Variants in SETBP1 observed in about 807,000 individuals in gnomAD.
The protein encoded by SETBP1 is SET binding protein 1, also known as SET-binding protein.
A neutral mutation model predicts 101.0 loss-of-function variants in SETBP1; 9 were observed. The ratio of observed to expected loss-of-function variants is 0.09; its 90% CI spans 0.05 to 0.16. The LOEUF (loss-of-function observed/expected upper bound fraction) is 0.16, where lower values mean the gene tolerates loss of function less well. Among genes scored for constraint, SETBP1 ranks in the 10% least tolerant of loss-of-function variants. The probability of loss-of-function intolerance (pLI) is 1.00; values close to 1 mark genes in which losing one functional copy is unlikely to be tolerated. For synonymous variants in SETBP1, 818 were observed against 788.5 expected (o/e 1.04, Z -0.63); for missense variants, 1,858 against 2,033.8 (o/e 0.91, Z 1.66).
At chr18:44,757,465 G>A (rs1368019996) in intron 2 of SETBP1, among the ~76,000 whole-genome samples, 2 of 152,184 alleles carry the variant, frequency 1.3e-5, no homozygotes, top group Non-Finnish European at 2.9e-5. Flanking sequence ...AAGGATGCAT[G>A]AACACACGCA....
chr18:44,774,700 G>C (rs2070957153), intron 2 of SETBP1, among the ~76,000 whole-genome samples: 1 of 152,092 alleles, frequency 6.6e-6, no homozygotes, highest in Non-Finnish European at 1.5e-5. Flanking sequence ...AGACACTCTG[G>C]AAAATATTCT....
At chr18:44,779,936 A>G (rs2071089543) in intron 2 of SETBP1, among the ~76,000 whole-genome samples, 1 of 151,732 alleles carries the variant, frequency 6.6e-6, no homozygotes, top group Non-Finnish European at 1.5e-5. Context: ...ACACGCACGC[A>G]CACACACACG....
chr18:45,020,258 TAAAAAA>T (rs57134217), intron 4 of SETBP1, among the ~76,000 whole-genome samples: 18 of 53,082 alleles, frequency 3.4e-4, no homozygotes, highest in Admixed American at 5.6e-4. Flanking sequence ...GACTCTGTCT[TAAAAAA>T]AAAAAAAAAA....
chr18:44,793,987 C>T (rs1183814068), intron 2 of SETBP1, among the ~76,000 whole-genome samples: 1 of 152,180 alleles, frequency 6.6e-6, no homozygotes, highest in African/African-American at 2.4e-5. Flanking sequence ...TAGCCATTAA[C>T]AAGGGGTTAG....
At chr18:44,781,914 G>A (rs889522035) in intron 2 of SETBP1, among the ~76,000 whole-genome samples, 15 of 152,192 alleles carry the variant, frequency 9.9e-5, no homozygotes, top group African/African-American at 3.1e-4. Flanking sequence ...TTAAGGGACT[G>A]TAATACTGTT....
intron 4 of SETBP1, among the ~76,000 whole-genome samples, chr18:44,989,921 A>G (rs1345564696): frequency 6.9e-6 from 1 of 145,942 alleles, no homozygotes; most frequent in African/African-American, 2.5e-5. Context: ...ATCTAAGTGG[A>G]CACACTGTAA....
intron 4 of SETBP1, among the ~76,000 whole-genome samples, chr18:44,964,396 G>A (rs2071678010): frequency 6.6e-6 from 1 of 151,916 alleles, no homozygotes; most frequent in African/African-American, 2.4e-5. Flanking sequence ...AATATGTAAG[G>A]GACACCTTGT....
chr18:44,929,887 A>G (rs572078030), intron 3 of SETBP1, among the ~76,000 whole-genome samples: 1 of 152,180 alleles, frequency 6.6e-6, no homozygotes, highest in Non-Finnish European at 1.5e-5. Context: ...GCAAACAGGG[A>G]CAATTTGACT....
chr18:44,839,406 T>TTGCTGC (rs80013756), intron 2 of SETBP1, among the ~76,000 whole-genome samples: 2 of 151,842 alleles, frequency 1.3e-5, no homozygotes, highest in Admixed American at 6.6e-5. Context: ...AACCTGGGTG[T>TTGCTGC]TGCTGCTGCT....
intron 2 of SETBP1, among the ~76,000 whole-genome samples, chr18:44,824,135 G>A (rs2072182101): frequency 6.6e-6 from 1 of 152,168 alleles, no homozygotes; most frequent in African/African-American, 2.4e-5. Flanking sequence ...GCATGCATAT[G>A]CATCTGTGTT....
rs1161744098 is a variant in SETBP1 at position 45,065,458 on chromosome 18, TATC to T, written c.*1763_*1765del. The stretch of plus-strand genomic sequence containing the variant: ...AGTTGGGACCAGCTGGAAATTGTAT[TATC>T]ATTTCGGAACACAATATTACTTCCT... On this transcript the variant is annotated 3_prime_UTR_variant, in exon 6 of 6. Transcript: ENST00000649279. The T allele has an allele frequency of 6.6e-6, 1 of 152,222 alleles. No individual in the cohort carries two copies. The highest frequency in any genetic ancestry group is 2.4e-5 in the African/African-American group (1 of 41,454). 9.4% of individuals were successfully genotyped at this position (152,222 alleles called of 1,614,324 possible).
chr18:44,804,857 C>T (rs1022373292), intron 2 of SETBP1, among the ~76,000 whole-genome samples: 18 of 151,964 alleles, frequency 1.2e-4, no homozygotes, highest in African/African-American at 2.4e-4. Flanking sequence ...TTTTTTTCTC[C>T]GGATATGGGG....
chr18:44,701,731 A>G lies in SETBP1; in HGVS notation c.385A>G (p.Ile129Val), dbSNP rs1179581230. The change falls in exon 2 of 6, where the codon ATC becomes GTC. Residue 129 changes from isoleucine to valine, a missense_variant. Transcript: ENST00000649279. ...GGAGAACTATATATGTCCACCTGAG[A>G]TCAAGATCACCATCAAGCAGTCTGG... ...NLENYICPPE[I>V]KITIKQSGDQ... 7 of 1,614,212 alleles carry G rather than the reference A, an allele frequency of 4.3e-6. No individual in the cohort carries two copies. Among genetic ancestry groups the G allele is most frequent in the Non-Finnish European group, 5.9e-6 (7 of 1,180,042 alleles).
chr18:44,953,603 C>G (rs890141355), intron 4 of SETBP1, among the ~76,000 whole-genome samples: 2 of 152,180 alleles, frequency 1.3e-5, no homozygotes, highest in African/African-American at 4.8e-5. Flanking sequence ...TGCAGTCGTG[C>G]CCACTATGGT....
At chr18:44,704,762 A>G (rs966326477) in intron 2 of SETBP1, among the ~76,000 whole-genome samples, 17 of 152,230 alleles carry the variant, frequency 1.1e-4, no homozygotes, top group Admixed American at 9.2e-4. Flanking sequence ...ACTTATTTGT[A>G]TGAATGAGAA....
chr18:44,997,675 A>G (rs1468557684), intron 4 of SETBP1, among the ~76,000 whole-genome samples: 2 of 152,218 alleles, frequency 1.3e-5, no homozygotes, highest in African/African-American at 4.8e-5. Flanking sequence ...CATGTAAATA[A>G]CAATTAGCAA....
In SETBP1 at chr18:44,723,966, C is replaced by T. The variant is rs151229492; in HGVS notation, c.486+22134C>T. Among the ~76,000 whole-genome samples the T allele has an allele frequency of 3.9e-3, 594 of 152,268 alleles. 5 individuals carry two copies. The highest frequency in any genetic ancestry group is 0.028 in the South Asian group (137 of 4,828). ...TGGGACCTGAGGGTCTCGTTTTTAACGAGCCAAGAGACAGAACTATTAATT... is the reference window on the plus strand; with the variant it reads ...TGGGACCTGAGGGTCTCGTTTTTAATGAGCCAAGAGACAGAACTATTAATT... On this transcript the variant is annotated intron_variant, in intron 2 of 5. Coordinates refer to ENST00000649279, the MANE Select transcript of SETBP1 (RefSeq NM_015559.3).
chr18:44,839,049 C>A (rs1296648652), intron 2 of SETBP1, among the ~76,000 whole-genome samples: 1 of 150,410 alleles, frequency 6.6e-6, no homozygotes, highest in East Asian at 2.0e-4. Flanking sequence ...GACTTCTCAG[C>A]AATGAATGAT....
intron 2 of SETBP1, among the ~76,000 whole-genome samples, chr18:44,744,643 C>T (rs1228598562): frequency 2.6e-5 from 4 of 152,156 alleles, no homozygotes; most frequent in Non-Finnish European, 5.9e-5. Context: ...CCTGGCGCGA[C>T]GACTGCTGGA....
Sources: gnomAD v4.1 joint callset for allele counts (sites outside exome capture counted in the v4.1 genomes callset) on GRCh38, gnomAD v4.1.1 for gene constraint, MANE v1.5 for transcripts, NCBI Gene and HGNC (gene_info 2026-07-23, HGNC 2026-07-21) for gene names.